Variants in CTNNBL1 observed in about 807,000 individuals in gnomAD.
CTNNBL1 encodes catenin beta like 1.
A neutral mutation model predicts 72.7 loss-of-function variants in CTNNBL1; 31 were observed. That is an observed-to-expected ratio of 0.43 (90% CI 0.32 to 0.58). CTNNBL1 has a LOEUF of 0.58. CTNNBL1 is among the 20% of genes least tolerant of loss of function. The pLI, the probability that CTNNBL1 is intolerant of heterozygous loss-of-function variation, is 0.08. For synonymous variants in CTNNBL1, 240 were observed against 267.3 expected, an observed-to-expected ratio of 0.90 and a Z score of 1.00; for missense variants, 534 against 725.1, an observed-to-expected ratio of 0.74 and a Z score of 3.03.
intron 10 of CTNNBL1, among the ~76,000 whole-genome samples, chr20:37,797,808 C>T (rs1245109733): frequency 6.6e-6 from 1 of 152,202 alleles, no homozygotes; most frequent in Admixed American, 6.5e-5. Context: ...TGCTGCCCCT[C>T]TTCTTACTCT....
chr20:37,746,060 T>C (rs2073259242), intron 3 of CTNNBL1, among the ~76,000 whole-genome samples: 1 of 152,182 alleles, frequency 6.6e-6, no homozygotes, highest in South Asian at 2.1e-4. Context: ...TGGCCCTTGA[T>C]CTGAAGTGGG....
intron 11 of CTNNBL1, among the ~76,000 whole-genome samples, chr20:37,807,703 T>G (rs1733055971): frequency 6.6e-6 from 1 of 152,178 alleles, no homozygotes; most frequent in African/African-American, 2.4e-5. Flanking sequence ...TTATTATAAT[T>G]GAAATCCATT....
chr20:37,791,451 A>G (rs906731203), intron 10 of CTNNBL1, among the ~76,000 whole-genome samples: 1 of 152,196 alleles, frequency 6.6e-6, no homozygotes, highest in South Asian at 2.1e-4. Context: ...CTTTTCCCTC[A>G]TGACTAATGA....
chr20:37,828,575 G>T (rs2072180763), intron 11 of CTNNBL1, among the ~76,000 whole-genome samples: 1 of 152,158 alleles, frequency 6.6e-6, no homozygotes, highest in African/African-American at 2.4e-5. Flanking sequence ...TGTTTCATAG[G>T]ATTGTTGTGA....
At chr20:37,830,254 C>G (rs531973305) in intron 11 of CTNNBL1, among the ~76,000 whole-genome samples, 1 of 152,182 alleles carries the variant, frequency 6.6e-6, no homozygotes, top group Admixed American at 6.5e-5. Context: ...CACAATCAAG[C>G]AAATTAACAT....
At chr20:37,695,575 A>G (rs946394315) in intron 1 of CTNNBL1, among the ~76,000 whole-genome samples, 2 of 152,234 alleles carry the variant, frequency 1.3e-5, no homozygotes, top group East Asian at 1.9e-4. Context: ...ATTTAAAACA[A>G]CATATATAGT....
chr20:37,870,329 C>T (rs2072573090), intron 15 of CTNNBL1, among the ~76,000 whole-genome samples: 1 of 152,122 alleles, frequency 6.6e-6, no homozygotes, highest in South Asian at 2.1e-4. Flanking sequence ...CTCTCCCTCC[C>T]TTCCCCGAAT....
chr20:37,777,519 C>T (rs545119907), intron 8 of CTNNBL1, 102 bp downstream of exon 8: 559 of 1,382,168 alleles, frequency 4.0e-4, no homozygotes, highest in Admixed American at 6.1e-4. Flanking sequence ...CCTTGCTCTC[C>T]CTCTCACTCC....
chr20:37,855,959 G>A (rs1037927393), intron 13 of CTNNBL1, among the ~76,000 whole-genome samples: 1 of 152,128 alleles, frequency 6.6e-6, no homozygotes, highest in African/African-American at 2.4e-5. Context: ...ACTAAGGGCT[G>A]GGCACAGCGC....
At chr20:37,721,108 G>T (rs570070754) in intron 1 of CTNNBL1, among the ~76,000 whole-genome samples, 1 of 152,266 alleles carries the variant, frequency 6.6e-6, no homozygotes, top group Admixed American at 6.5e-5. Flanking sequence ...TAAGGCATCC[G>T]TTAATAACTG....
intron 15 of CTNNBL1, among the ~76,000 whole-genome samples, chr20:37,865,394 C>A (rs563278317): frequency 6.6e-6 from 1 of 152,306 alleles, no homozygotes; most frequent in African/African-American, 2.4e-5. Flanking sequence ...GGCATGGCTT[C>A]TTTTTTATTT....
At position 37,777,713 on chromosome 20, in the gene CTNNBL1, G is replaced by T; in HGVS notation, c.882+1G>T. The T allele has an allele frequency of 6.2e-7, 1 of 1,613,336 alleles. No homozygotes were observed. The highest frequency in any genetic ancestry group is 8.5e-7 in the Non-Finnish European group (1 of 1,179,420). ...CGATGTGCTTCTTCAGCAGTTATCC[G>T]TGAGTAATTCTTATGCTTCCTGTCT... On this transcript the variant is annotated splice_donor_variant, in intron 9 of 15. Transcript: ENST00000361383. LOFTEE classifies it high-confidence loss of function.
chr20:37,747,258 C>A (rs528040570), intron 4 of CTNNBL1, among the ~76,000 whole-genome samples: 4 of 151,946 alleles, frequency 2.6e-5, no homozygotes, highest in Non-Finnish European at 5.9e-5. Flanking sequence ...GCCTGTAGTT[C>A]CAGCTACTCG....
At chr20:37,813,324 C>T (rs73904778) in intron 11 of CTNNBL1, among the ~76,000 whole-genome samples, 1,607 of 152,282 alleles carry the variant, frequency 0.011, 20 homozygotes, top group African/African-American at 0.037. Context: ...GTGTTGAGGA[C>T]GGTACTGGTG....
intron 11 of CTNNBL1, among the ~76,000 whole-genome samples, chr20:37,808,131 G>T (rs978522277): frequency 1.3e-5 from 2 of 152,134 alleles, no homozygotes; most frequent in African/African-American, 4.8e-5. Context: ...TGCACACTAG[G>T]TATATACACG....
chr20:37,726,085 G>C (rs890738332), intron 1 of CTNNBL1, among the ~76,000 whole-genome samples: 2 of 152,226 alleles, frequency 1.3e-5, no homozygotes, highest in Non-Finnish European at 2.9e-5. Context: ...TATAGACTGA[G>C]AAAACTGAAG....
At chr20:37,738,597 A>G (rs780248577) in intron 3 of CTNNBL1, among the ~76,000 whole-genome samples, 2 of 152,198 alleles carry the variant, frequency 1.3e-5, no homozygotes, top group Non-Finnish European at 2.9e-5. Context: ...GCAATTAACA[A>G]TTGAGTAGTA....
At chr20:37,761,560 A>G (rs911141318) in intron 5 of CTNNBL1, among the ~76,000 whole-genome samples, 2 of 152,160 alleles carry the variant, frequency 1.3e-5, no homozygotes, top group African/African-American at 4.8e-5. Context: ...TCATTTGTTC[A>G]TTTGTTCACT....
In CTNNBL1 at chr20:37,850,699, GT is replaced by G. The variant is rs201121039; in HGVS notation, c.1392+8282del. Among the ~76,000 whole-genome samples the G allele has an allele frequency of 5.8e-4, 88 of 152,264 alleles. No homozygotes were observed. The East Asian group carries it at 0.015, about 26-fold the overall frequency. On this transcript the variant is annotated intron_variant, in intron 13 of 15. Transcript: ENST00000361383. ...GGTGTTGATGCTTCTCCCATCTCTA[GT>G]TACTTCCCTCTCCCGTGGTTCAAGT...
Sources: allele counts gnomAD v4.1 joint callset (sites outside exome capture counted in the v4.1 genomes callset), GRCh38; gene constraint gnomAD v4.1.1; transcripts MANE v1.5; gene names NCBI Gene and HGNC (gene_info 2026-07-23, HGNC 2026-07-21).